Variants in SDK1 observed in about 807,000 individuals in gnomAD.
SDK1 encodes the protein protein sidekick-1.
In SDK1, 157 loss-of-function variants were observed where a neutral mutation model predicts 245.5. The ratio of observed to expected loss-of-function variants is 0.64; its 90% confidence interval spans 0.56 to 0.73. The LOEUF (loss-of-function observed/expected upper bound fraction) is 0.73, where lower values mean the gene tolerates loss of function less well. Ranked by LOEUF, SDK1 falls within the 30% of genes least tolerant of loss-of-function variation. The pLI is 0.00. For missense variants in SDK1, 3,583 were observed against 3,002.3 expected (o/e 1.19, Z -4.52); for synonymous variants, 1,647 against 1,278.5 (o/e 1.29, Z -6.15).
At chr7:3,482,207 A>C (rs1178126716) in intron 1 of SDK1, among the ~76,000 whole-genome samples, 2 of 152,214 alleles carry the variant, frequency 1.3e-5, no homozygotes, top group Non-Finnish European at 2.9e-5. Flanking sequence ...ACCTACTAAC[A>C]ACAATTAAAA....
At chr7:3,917,082 G>A (rs1463807783) in intron 5 of SDK1, among the ~76,000 whole-genome samples, 1 of 152,146 alleles carries the variant, frequency 6.6e-6, no homozygotes, top group Non-Finnish European at 1.5e-5. Context: ...CAACATAATT[G>A]TTTTCTATCA....
intron 1 of SDK1, among the ~76,000 whole-genome samples, chr7:3,404,374 T>G (rs1312303546): frequency 6.6e-6 from 1 of 152,218 alleles, no homozygotes. Flanking sequence ...TTATCACTGA[T>G]TTGTAATAAT....
chr7:3,812,239 A>G lies in SDK1; in HGVS notation c.714-9211A>G, dbSNP rs1300160123. ...GCTCAGAAAGGAATAGTCAGAGTAA[A>G]AATGCAAATACAAATACTTAGAGAT... On this transcript the variant is annotated intron_variant, in intron 4 of 44. Coordinates refer to ENST00000404826, the MANE Select transcript of SDK1 (RefSeq NM_152744.4). Among the ~76,000 whole-genome samples the G allele has an allele frequency of 2.6e-5, 4 of 152,230 alleles. 1 individual carries two copies. Among genetic ancestry groups the G allele is most frequent in the Non-Finnish European group, 1.5e-5 (1 of 68,038 alleles).
chr7:3,445,169 T>TTG (rs1286850405), intron 1 of SDK1, among the ~76,000 whole-genome samples: 13 of 152,210 alleles, frequency 8.5e-5, no homozygotes, highest in Non-Finnish European at 1.9e-4. Flanking sequence ...TATATTAAAA[T>TTG]TGTTCACCTT....
intron 1 of SDK1, among the ~76,000 whole-genome samples, chr7:3,392,365 TGTG>T (rs1403229219): frequency 2.0e-5 from 3 of 152,304 alleles, no homozygotes; most frequent in East Asian, 1.9e-4. Context: ...TTTGTCCAAT[TGTG>T]GTGCCTTTAA....
In SDK1 at chr7:3,703,173, A is replaced by G. The variant is rs138194791; in HGVS notation, c.713+61068A>G. On this transcript the variant is annotated intron_variant, in intron 4 of 44. Coordinates refer to ENST00000404826, the MANE Select transcript of SDK1 (RefSeq NM_152744.4). ...CACAAAATATGCTTCTGGACATTCT[A>G]GAAGCTTTCATTGTAATGGCCACAA... 1.0e-3 allele frequency among the ~76,000 whole-genome samples: 158 copies of G among 152,274 alleles called. 1 individual carries two copies. Among genetic ancestry groups the G allele is most frequent in the African/African-American group, 3.7e-3 (152 of 41,564 alleles).
Position 3,561,326 on chromosome 7 carries a change from C to T in SDK1, c.299-57754C>T, listed in dbSNP as rs532205987. ...AGCCAACTTTTTGACAAAAACACAT[C>T]TGAGCTGCTTTCCTTGGGCGTCAGG... On this transcript the variant is annotated intron_variant, in intron 1 of 44. Transcript: ENST00000404826. Among the ~76,000 whole-genome samples the T allele has an allele frequency of 1.4e-3, 206 of 152,358 alleles. 4 individuals are homozygous for T. Among genetic ancestry groups the T allele is most frequent in the African/African-American group, 4.8e-3 (200 of 41,578 alleles).
intron 5 of SDK1, among the ~76,000 whole-genome samples, chr7:3,891,443 C>T (rs926083609): frequency 4.6e-5 from 7 of 152,194 alleles, no homozygotes; most frequent in Admixed American, 1.3e-4. Flanking sequence ...AGGATGAATG[C>T]CGAGGATCGT....
At chr7:3,765,094 G>A (rs182611890) in intron 4 of SDK1, among the ~76,000 whole-genome samples, 1 of 152,118 alleles carries the variant, frequency 6.6e-6, no homozygotes. Flanking sequence ...TTTTTAAACT[G>A]TATAAGGATA....
intron 4 of SDK1, among the ~76,000 whole-genome samples, chr7:3,772,095 C>T (rs993751692): frequency 6.6e-6 from 1 of 152,186 alleles, no homozygotes; most frequent in African/African-American, 2.4e-5. Context: ...GACTTTCCTT[C>T]CTTTTTATGG....
chr7:4,051,631 A>T lies in SDK1; in HGVS notation c.2719-7A>T. On this transcript the variant is annotated splice_region_variant and splice_polypyrimidine_tract_variant and intron_variant, in intron 18 of 44. Coordinates refer to ENST00000404826, the MANE Select transcript of SDK1 (RefSeq NM_152744.4). ...CAGGCTGTCTTTTTCACCCTGTTCC[A>T]TCTCAGCTTCTGGCATGGCCGGCAG... is the stretch of plus-strand genomic sequence containing the variant. 1 of 1,609,418 alleles carries T rather than the reference A, an allele frequency of 6.2e-7. No homozygotes were observed. Among genetic ancestry groups the T allele is most frequent in the Non-Finnish European group, 8.5e-7 (1 of 1,178,138 alleles).
At chr7:4,139,733 GTGTA>G (rs1779439062) in intron 28 of SDK1, among the ~76,000 whole-genome samples, 8 of 142,048 alleles carry the variant, frequency 5.6e-5, no homozygotes, top group Admixed American at 2.0e-4. Flanking sequence ...GTGTGTGTGT[GTGTA>G]TGTGTGTGTG....
chr7:4,188,366 C>T (rs967116264), intron 35 of SDK1, among the ~76,000 whole-genome samples: 5 of 152,144 alleles, frequency 3.3e-5, no homozygotes, highest in Admixed American at 6.5e-5. Flanking sequence ...TTTGCAGAAC[C>T]AGCAAGGTCA....
intron 1 of SDK1, among the ~76,000 whole-genome samples, chr7:3,423,060 C>G (rs1271948328): frequency 6.6e-6 from 1 of 152,066 alleles, no homozygotes; most frequent in South Asian, 2.1e-4. Flanking sequence ...TTCCTTTTAA[C>G]TCTTAAATTG....
Position 4,237,798 on chromosome 7 carries a change from C to G in SDK1, c.6130+14C>G, listed in dbSNP as rs369447585. ...ACTGCAGCACAGGTGCAGGTCCAGC[C>G]CCTTCCTCGCGTGTCCCACGATGCC... On this transcript the variant is annotated intron_variant, in intron 42 of 44. Transcript: ENST00000404826. 149 of 1,613,754 alleles carry G rather than the reference C, an allele frequency of 9.2e-5. No homozygotes were observed. Among genetic ancestry groups the G allele is most frequent in the Non-Finnish European group, 1.2e-4 (141 of 1,179,870 alleles).
intron 13 of SDK1, 81 bp from the exon 14 acceptor site, chr7:3,987,105 G>A (rs1201682883): frequency 3.6e-5 from 49 of 1,377,102 alleles, no homozygotes; most frequent in Middle Eastern, 1.8e-4. Flanking sequence ...ACAGCAGGAC[G>A]GTCTGCTGTA....
intron 28 of SDK1, among the ~76,000 whole-genome samples, chr7:4,135,894 G>A (rs137903819): frequency 3.9e-5 from 6 of 152,290 alleles, no homozygotes; most frequent in East Asian, 1.9e-4. Flanking sequence ...TAGTATTCCC[G>A]TTGCATGCAG....
intron 25 of SDK1, among the ~76,000 whole-genome samples, chr7:4,123,528 G>A (rs1784198673): frequency 6.6e-6 from 1 of 152,140 alleles, no homozygotes; most frequent in Non-Finnish European, 1.5e-5. Flanking sequence ...AAGGCACCAG[G>A]GACTTGGGGC....
intron 5 of SDK1, among the ~76,000 whole-genome samples, chr7:3,864,015 T>C (rs1168631269): frequency 6.6e-6 from 1 of 152,214 alleles, no homozygotes; most frequent in African/African-American, 2.4e-5. Flanking sequence ...CATACTGTTT[T>C]CCACAATGAT....
Sources: allele counts gnomAD v4.1 joint callset (sites outside exome capture counted in the v4.1 genomes callset), GRCh38; gene constraint gnomAD v4.1.1; transcripts MANE v1.5; gene names NCBI Gene and HGNC (gene_info 2026-07-23, HGNC 2026-07-21).